CORO7: variants seen among roughly 807,000 people sequenced by gnomAD.
CORO7 encodes coronin 7.
Under a neutral mutation model 126.6 loss-of-function variants are expected in CORO7, and 107 were observed. That is an observed-to-expected ratio of 0.85 (90% confidence interval 0.72 to 0.99). CORO7 has a LOEUF of 0.99. Among genes scored for constraint, CORO7 ranks in the 50% least tolerant of loss-of-function variants. The pLI is 0.00. For synonymous variants in CORO7, 603 were observed against 536.8 expected, an observed-to-expected ratio of 1.12 and a Z score of -1.70; for missense variants, 1,314 against 1,255.8, an observed-to-expected ratio of 1.05 and a Z score of -0.70.
In CORO7 at chr16:4,416,567, G is replaced by T. The variant is rs766047031; in HGVS notation, c.-49C>A. 2 of 1,566,828 alleles carry T rather than the reference G, an allele frequency of 1.3e-6. No homozygotes were observed. The highest frequency in any genetic ancestry group is 1.2e-5 in the South Asian group (1 of 86,596). On this transcript the variant is annotated 5_prime_UTR_variant, in exon 1 of 28. Transcript: ENST00000251166. ...CGTCTTCGAGGACCCCGGGCGTCGG[G>T]TCTCAGGTGCACGCTGAGCAACCGC...
At chr16:4,387,572 G>A (rs1048645721) in intron 9 of CORO7, among the ~76,000 whole-genome samples, 3 of 90,182 alleles carry the variant, frequency 3.3e-5, no homozygotes, top group African/African-American at 1.3e-4. Flanking sequence ...ACCCTGCCAG[G>A]CTGTCCAACA....
At chr16:4,373,112 G>A (rs2054592067) in intron 9 of CORO7, among the ~76,000 whole-genome samples, 1 of 152,128 alleles carries the variant, frequency 6.6e-6, no homozygotes, top group African/African-American at 2.4e-5. Context: ...CCCAGCTATT[G>A]ACAAAAACCC....
rs375299971 is a variant in CORO7, at chr16:4,382,473, C to A, written c.785+5513G>T. ...AGCTGCGGCCCAACGCCACTTACTCCGTCTGTGTCATGCCTTTGGGGCCCG... is the reference window on the plus strand; with the variant it reads ...AGCTGCGGCCCAACGCCACTTACTCAGTCTGTGTCATGCCTTTGGGGCCCG... On this transcript the variant is annotated intron_variant, in intron 9 of 27. Transcript: ENST00000251166. 2.5e-6 allele frequency: 4 copies of A among 1,605,656 alleles called. No homozygotes were observed. The East Asian group carries it at 6.7e-5, about 27-fold the overall frequency.
intron 9 of CORO7, chr16:4,381,306 C>T (rs1293783054): frequency 5.0e-6 from 8 of 1,611,992 alleles, no homozygotes; most frequent in Non-Finnish European, 6.8e-6. Context: ...AGCCTGGTGC[C>T]TTCGACACGC....
intron 9 of CORO7, among the ~76,000 whole-genome samples, chr16:4,367,848 G>A (rs1193297364): frequency 6.6e-6 from 1 of 152,038 alleles, no homozygotes; most frequent in Non-Finnish European, 1.5e-5. Context: ...TGTGGGGAGG[G>A]GGAGTTCTGC....
intron 6 of CORO7, among the ~76,000 whole-genome samples, chr16:4,402,659 A>G (rs1386623277): frequency 6.6e-6 from 1 of 152,110 alleles, no homozygotes. Flanking sequence ...CAGCTGGGCC[A>G]CCCTCATGGA....
intron 9 of CORO7, among the ~76,000 whole-genome samples, chr16:4,376,915 G>A (rs1480695310): frequency 2.0e-5 from 3 of 152,200 alleles, no homozygotes; most frequent in Non-Finnish European, 4.4e-5. Flanking sequence ...TAGTACCCAC[G>A]CCCAGGGGGC....
At chr16:4,412,990 T>A (rs2056269145) in intron 2 of CORO7, 1 of 314,550 alleles carries the variant, frequency 3.2e-6, no homozygotes, top group African/African-American at 2.2e-5. Flanking sequence ...TCCCCAGCCA[T>A]CCAGGGCCCA....
At position 4,355,343 on chromosome 16, in the gene CORO7, C is replaced by T; in HGVS notation, c.2715G>A (p.Gly905=). 6.2e-7 allele frequency: 1 copy of T among 1,612,160 alleles called. No individual in the cohort carries two copies. The highest frequency in any genetic ancestry group is 1.3e-5 in the African/African-American group (1 of 74,994). ...CCTGGGGGAGTGGGTCCTCCCGGTT[C>T]CCCAGTTTTGCCACCATGGCATTCA... The part of the protein sequence containing the change: ...ELLNAMVAKL[G]NREDPLPQDS... The change falls in exon 27 of 28, where the codon GGG becomes GGA. Residue 905 remains glycine (G), a synonymous_variant. Coordinates refer to ENST00000251166, the MANE Select transcript of CORO7 (RefSeq NM_024535.5).
intron 6 of CORO7, among the ~76,000 whole-genome samples, chr16:4,401,873 T>C (rs2055820984): frequency 6.6e-6 from 1 of 151,022 alleles, no homozygotes; most frequent in African/African-American, 2.4e-5. Flanking sequence ...AGCTATGACG[T>C]GGGCAAGCCC....
chr16:4,379,326 G>A (rs961224623), intron 9 of CORO7, among the ~76,000 whole-genome samples: 4 of 152,062 alleles, frequency 2.6e-5, no homozygotes, highest in African/African-American at 4.8e-5. Flanking sequence ...AAAGTGGGGA[G>A]GGCTCTTCCT....
chr16:4,373,737 CCAACA>C (rs2054615903), intron 9 of CORO7, among the ~76,000 whole-genome samples: 1 of 152,102 alleles, frequency 6.6e-6, no homozygotes, highest in Non-Finnish European at 1.5e-5. Context: ...TAAGTGGGTC[CCAACA>C]CAACACTGGG....
In CORO7 at chr16:4,362,691, G is replaced by T; in HGVS notation, c.1323C>A (p.Pro441=). The part of the protein sequence containing the change: ...PPSSLTSPST[P]SSLGPSLSST... Reference sequence around the variant, plus strand: ...TGGAGAGTGAGGGCCCCAGGCTGGAGGGCGTGGAGGGCGAGGTCAGCGAAC... The same window carrying T: ...TGGAGAGTGAGGGCCCCAGGCTGGATGGCGTGGAGGGCGAGGTCAGCGAAC... Residue 441 remains proline (P), a synonymous_variant, in exon 15 of 28, where the codon CCC becomes CCA. Transcript: ENST00000251166. This position sits in a 1 kb window ranked among gnomAD's most constrained non-coding sequence, Gnocchi z 5.3. 1 of 1,473,666 alleles carries T rather than the reference G, an allele frequency of 6.8e-7. No individual in the cohort carries two copies. Among genetic ancestry groups the T allele is most frequent in the South Asian group, 1.4e-5 (1 of 71,094 alleles). The allele number at this position is 1,473,666 out of a possible 1,614,324, so 91.3% of individuals were successfully genotyped here. A position where few individuals can be genotyped will look rare whatever the true frequency, so the allele number is the denominator to read the frequency against.
At chr16:4,382,708 G>A (rs1332914151) in intron 9 of CORO7, 1 of 1,550,510 alleles carries the variant, frequency 6.4e-7, no homozygotes, top group East Asian at 2.4e-5. Context: ...AGCGGCTCAG[G>A]ACAAAGGGCA....
At chr16:4,377,589 AG>A (rs936384170) in intron 9 of CORO7, among the ~76,000 whole-genome samples, 53 of 152,304 alleles carry the variant, frequency 3.5e-4, no homozygotes, top group East Asian at 1.3e-3. Flanking sequence ...CAGTTGAGAA[AG>A]GAACTCTGGC....
chr16:4,361,101 G>T lies in CORO7; in HGVS notation c.1775-16C>A. On this transcript the variant is annotated splice_polypyrimidine_tract_variant and intron_variant, in intron 18 of 27. Transcript: ENST00000251166. ...TCCGTGTGGCCTGGAGGAAGGCAGGGGTGATCAGGAGCCCTTGGGAGACAC... is the reference window on the plus strand; with the variant it reads ...TCCGTGTGGCCTGGAGGAAGGCAGGTGTGATCAGGAGCCCTTGGGAGACAC... 1 of 1,613,382 alleles carries T rather than the reference G, an allele frequency of 6.2e-7. No homozygotes were observed. The highest frequency in any genetic ancestry group is 8.5e-7 in the Non-Finnish European group (1 of 1,179,998).
chr16:4,381,707 A>G, intron 9 of CORO7: 4 of 1,607,782 alleles, frequency 2.5e-6, no homozygotes, highest in Non-Finnish European at 3.4e-6. Flanking sequence ...CTAAGCCTGC[A>G]GGCCCTGCCT....
chr16:4,379,730 C>A (rs551167002), intron 9 of CORO7, among the ~76,000 whole-genome samples: 87 of 152,124 alleles, frequency 5.7e-4, no homozygotes, highest in Admixed American at 4.5e-3. Flanking sequence ...TGGTGCCCAG[C>A]TCAGGGCAGA....
intron 9 of CORO7, among the ~76,000 whole-genome samples, chr16:4,376,143 C>G (rs960866456): frequency 6.6e-6 from 1 of 152,184 alleles, no homozygotes; most frequent in East Asian, 1.9e-4. Flanking sequence ...AGGCCCAGCC[C>G]TCTCTGCCCC....
Sources: allele counts gnomAD v4.1 joint callset (sites outside exome capture counted in the v4.1 genomes callset), GRCh38; gene constraint gnomAD v4.1.1; non-coding constraint Gnocchi (gnomAD v3.1); transcripts MANE v1.5; gene names NCBI Gene and HGNC (gene_info 2026-07-23, HGNC 2026-07-21).